Variants in RGS3 observed in about 807,000 individuals in gnomAD.
RGS3 encodes the protein regulator of G-protein signalling 3.
Under a neutral mutation model 132.6 loss-of-function variants are expected in RGS3, and 80 were observed. The observed-to-expected ratio is 0.60, with a 90% CI of 0.50 to 0.73. RGS3 has a LOEUF of 0.73. RGS3 is among the 30% of genes least tolerant of loss of function. The pLI is 0.00. For synonymous variants in RGS3, 598 were observed against 620.6 expected (o/e 0.96, Z 0.54); for missense variants, 1,382 against 1,530.8 (o/e 0.90, Z 1.62).
At chr9:113,450,064 T>A (rs1470260098) in intron 1 of RGS3, among the ~76,000 whole-genome samples, 2 of 139,358 alleles carry the variant, frequency 1.4e-5, no homozygotes, top group African/African-American at 2.7e-5. Context: ...TTTTTATTTT[T>A]ATTTTATTTA....
intron 4 of RGS3, among the ~76,000 whole-genome samples, chr9:113,481,935 A>G (rs947986405): frequency 6.6e-6 from 1 of 152,112 alleles, no homozygotes; most frequent in African/African-American, 2.4e-5. Flanking sequence ...AATCCCCGCT[A>G]CTTGGCAGGC....
At chr9:113,553,484 A>G (rs1588241289) in intron 19 of RGS3, among the ~76,000 whole-genome samples, 1 of 123,334 alleles carries the variant, frequency 8.1e-6, no homozygotes, top group Non-Finnish European at 1.7e-5. Flanking sequence ...ATATATATAT[A>G]TATATATGTA....
At chr9:113,479,457 T>G in intron 3 of RGS3, 34 bp from the exon 2 acceptor site, 1 of 1,611,994 alleles carries the variant, frequency 6.2e-7, no homozygotes, top group Non-Finnish European at 8.5e-7. Context: ...ACCAGGGAGC[T>G]GAGGCAAGGT....
chr9:113,537,236 T>C lies in RGS3; in HGVS notation c.2037+318T>C, dbSNP rs1180894390. Among the ~76,000 whole-genome samples the C allele has an allele frequency of 6.6e-6, 1 of 152,266 alleles. No homozygotes were observed. Among genetic ancestry groups the C allele is most frequent in the South Asian group, 2.1e-4 (1 of 4,836 alleles). ...CTGGCCTCCCTGATGCTGCCTGGCATGCGTTCACCTCTGCCATTGGGTAGC... is the reference window on the plus strand; with the variant it reads ...CTGGCCTCCCTGATGCTGCCTGGCACGCGTTCACCTCTGCCATTGGGTAGC... On this transcript the variant is annotated intron_variant, in intron 19 of 24. Transcript: ENST00000350696. This position sits in a 1 kb window ranked among gnomAD's most constrained non-coding sequence, Gnocchi z 4.3.
In RGS3 at chr9:113,591,613, G is replaced by A; in HGVS notation, c.3080+216G>A. 1 of 544,622 alleles carries A rather than the reference G, an allele frequency of 1.8e-6. No individual in the cohort carries two copies. The highest frequency in any genetic ancestry group is 2.2e-5 in the South Asian group (1 of 46,198). The allele number at this position is 544,622 out of a possible 1,614,324, so 33.7% of individuals were successfully genotyped here. On this transcript the variant is annotated intron_variant, in intron 21 of 24. Coordinates refer to ENST00000350696, the Ensembl canonical transcript of RGS3. This position sits in a 1 kb window ranked among gnomAD's most constrained non-coding sequence, Gnocchi z 4.4. ...GCATTCTCTCCAAGTGAGGCAAAGT[G>A]CTGATTCAGTACCCGGAAGCCACAG...
intron 8 of RGS3, 64 bp from the exon 7 acceptor site, chr9:113,497,250 G>C (rs915153489): frequency 2.7e-5 from 36 of 1,317,616 alleles, no homozygotes; most frequent in Non-Finnish European, 3.5e-5. Flanking sequence ...AGGGGGATTG[G>C]TGGCTGCCTG....
Position 113,564,990 on chromosome 9 carries a change from C to G in RGS3, c.2038-18460C>G. 4.9e-6 allele frequency: 5 copies of G among 1,018,476 alleles called. 1 individual carries two copies. The South Asian group carries it at 1.8e-4, about 36-fold the overall frequency. 63.1% of individuals were successfully genotyped at this position (1,018,476 alleles called of 1,614,324 possible). A position where few individuals can be genotyped will look rare whatever the true frequency, so the allele number is the denominator to read the frequency against. On this transcript the variant is annotated intron_variant, in intron 19 of 24. Transcript: ENST00000350696. ...CGGCTGCCAGCAGGCCGGCTGGAGG[C>G]GGCTTTGCGCTGCCCCAGCCTGGGA...
At chr9:113,483,696 T>A (rs1830236731) in intron 5 of RGS3, among the ~76,000 whole-genome samples, 1 of 152,148 alleles carries the variant, frequency 6.6e-6, no homozygotes, top group Non-Finnish European at 1.5e-5. Flanking sequence ...GGCAAGGAAT[T>A]TATCAGGAGC....
intron 18 of RGS3, among the ~76,000 whole-genome samples, chr9:113,532,178 A>G (rs1051821703): frequency 1.3e-5 from 2 of 152,194 alleles, no homozygotes; most frequent in Non-Finnish European, 2.9e-5. Flanking sequence ...GGCCTTGACC[A>G]CAGAGCCTGC....
At chr9:113,529,053 G>A (rs770306265) in intron 17 of RGS3, among the ~76,000 whole-genome samples, 168 bp from the exon 16 acceptor site, 1 of 152,192 alleles carries the variant, frequency 6.6e-6, no homozygotes, top group Non-Finnish European at 1.5e-5. Flanking sequence ...GGTTAGTTAC[G>A]TAGCCAATTT....
chr9:113,465,439 C>CTGTGTGTGTGTG lies in RGS3; in HGVS notation c.415+3269_415+3280dup, dbSNP rs3221187. ...CCCAGGCTTATTTCCACACCTATTT[C>CTGTGTGTGTGTG]TGTGTGTGTGTGTGTGTGTGTGTGT... On this transcript the variant is annotated intron_variant, in intron 3 of 24. Transcript: ENST00000350696. Among the ~76,000 whole-genome samples, 222 of 135,406 alleles carry CTGTGTGTGTGTG rather than the reference C, an allele frequency of 1.6e-3. 1 individual carries two copies. Among genetic ancestry groups the CTGTGTGTGTGTG allele is most frequent in the East Asian group, 0.012 (55 of 4,450 alleles). 88.8% of individuals were successfully genotyped at this position (135,406 alleles called of 152,430 possible).
At chr9:113,465,024 G>C (rs547542455) in intron 3 of RGS3, among the ~76,000 whole-genome samples, 3 of 152,310 alleles carry the variant, frequency 2.0e-5, no homozygotes, top group Admixed American at 6.5e-5. Context: ...ACGATAAAGG[G>C]CAATTAACTA....
exon 19 of RGS3, chr9:113,536,808 T>G (rs1159866229): frequency 6.2e-7 from 1 of 1,614,074 alleles, no homozygotes; most frequent in South Asian, 1.1e-5. Context: ...GGCAGAGTGC[T>G]TATTCACTTT....
chr9:113,585,463 G>C (rs1244789169), intron 20 of RGS3, among the ~76,000 whole-genome samples: 1 of 152,248 alleles, frequency 6.6e-6, no homozygotes, highest in African/African-American at 2.4e-5. Flanking sequence ...GCCAGTGCAA[G>C]GTGTTGGTGT....
chr9:113,508,191 G>A (rs1831229965), intron 13 of RGS3, among the ~76,000 whole-genome samples: 1 of 152,156 alleles, frequency 6.6e-6, no homozygotes, highest in South Asian at 2.1e-4. Context: ...AAATAACACC[G>A]CATTTCCCAA....
rs974011020 is a variant in RGS3 at position 113,579,271 on chromosome 9, G to A, written c.2038-4179G>A. On this transcript the variant is annotated intron_variant, in intron 19 of 24. Transcript: ENST00000350696. The surrounding 1 kb of genome is among the most constrained non-coding windows in gnomAD (Gnocchi z 4.3). ...ACTACCCTCAACCCAACATCCGGTG[G>A]GCATCTGGGGCCCAGGAGCCAAAGC... is the stretch of plus-strand genomic sequence containing the variant. Among the ~76,000 whole-genome samples, 5 of 152,212 alleles carry A rather than the reference G, an allele frequency of 3.3e-5. No individual in the cohort carries two copies. Among genetic ancestry groups the A allele is most frequent in the African/African-American group, 1.2e-4 (5 of 41,450 alleles).
intron 20 of RGS3, among the ~76,000 whole-genome samples, chr9:113,588,467 G>A (rs1390180980): frequency 6.6e-6 from 1 of 152,126 alleles, no homozygotes; most frequent in Non-Finnish European, 1.5e-5. Flanking sequence ...GCTCACAGAC[G>A]AGCGCTCAGT....
At chr9:113,477,298 A>G (rs1331672217) in intron 3 of RGS3, among the ~76,000 whole-genome samples, 2 of 152,142 alleles carry the variant, frequency 1.3e-5, no homozygotes, top group African/African-American at 4.8e-5. Flanking sequence ...TGGAACTGAA[A>G]CAGGATTCCT....
chr9:113,517,564 C>T (rs1831742422), exon 16 of RGS3: 1 of 1,613,450 alleles, frequency 6.2e-7, no homozygotes, highest in Non-Finnish European at 8.5e-7. Context: ...GTAATCCTGC[C>T]CGGACCCTCC....
Sources: allele counts gnomAD v4.1 joint callset (sites outside exome capture counted in the v4.1 genomes callset), GRCh38; gene constraint gnomAD v4.1.1; non-coding constraint Gnocchi (gnomAD v3.1); transcripts MANE v1.5; gene names NCBI Gene and HGNC (gene_info 2026-07-23, HGNC 2026-07-21).